The following KCND2 variants were observed in gnomAD, a reference collection of about 807,000 sequenced individuals.
KCND2 encodes potassium voltage-gated channel subfamily D member 2.
Under a neutral mutation model 54.4 loss-of-function variants are expected in KCND2, and 16 were observed. The observed-to-expected ratio is 0.29, with a 90% CI of 0.20 to 0.45. The LOEUF (loss-of-function observed/expected upper bound fraction) is 0.45, where lower values mean the gene tolerates loss of function less well. Ranked by LOEUF, KCND2 falls within the 20% of genes least tolerant of loss-of-function variation. KCND2 has a pLI of 1.00. For missense variants in KCND2, 486 were observed against 824.2 expected (o/e 0.59, Z 5.02); for synonymous variants, 317 against 310.7 (o/e 1.02, Z -0.21).
intron 1 of KCND2, among the ~76,000 whole-genome samples, chr7:120,509,909 A>T (rs1323168923): frequency 1.3e-5 from 2 of 152,068 alleles, no homozygotes; most frequent in African/African-American, 4.8e-5. Context: ...CTTCTAGCCA[A>T]ACACTTGCCA....
intron 1 of KCND2, among the ~76,000 whole-genome samples, chr7:120,517,801 C>G (rs1803217843): frequency 6.6e-6 from 1 of 152,080 alleles, no homozygotes; most frequent in South Asian, 2.1e-4. Flanking sequence ...TGATATAAAA[C>G]CTCCTAAATT....
At chr7:120,537,051 C>T in intron 1 of KCND2, among the ~76,000 whole-genome samples, 1 of 152,082 alleles carries the variant, frequency 6.6e-6, no homozygotes, top group East Asian at 1.9e-4. Flanking sequence ...TTGCCAGATT[C>T]ATCAGTGGAA....
chr7:120,425,956 T>A (rs1801700695), intron 1 of KCND2, among the ~76,000 whole-genome samples: 1 of 152,168 alleles, frequency 6.6e-6, no homozygotes, highest in African/African-American at 2.4e-5. Context: ...TATTTTTTTT[T>A]TTTAGAACTA....
chr7:120,307,355 T>C (rs1354052801), intron 1 of KCND2, among the ~76,000 whole-genome samples: 1 of 152,040 alleles, frequency 6.6e-6, no homozygotes, highest in Non-Finnish European at 1.5e-5. Context: ...TTTGATGCTG[T>C]TTTACAAGGT....
intron 1 of KCND2, among the ~76,000 whole-genome samples, chr7:120,518,373 A>G (rs371495854): frequency 2.0e-4 from 31 of 152,132 alleles, no homozygotes; most frequent in African/African-American, 7.0e-4. Flanking sequence ...CACAACTTAA[A>G]CATAAAGTTA....
intron 1 of KCND2, among the ~76,000 whole-genome samples, chr7:120,698,250 T>C (rs1196486314): frequency 6.6e-6 from 1 of 152,138 alleles, no homozygotes; most frequent in Non-Finnish European, 1.5e-5. Context: ...CAACCTTTTA[T>C]CCTTTTAATA....
chr7:120,666,039 T>A (rs1791922436), intron 1 of KCND2, among the ~76,000 whole-genome samples: 1 of 152,066 alleles, frequency 6.6e-6, no homozygotes, highest in Non-Finnish European at 1.5e-5. Context: ...ACTATTATTG[T>A]AGGTAAGTCT....
intron 1 of KCND2, among the ~76,000 whole-genome samples, chr7:120,284,684 AAGTT>A (rs1264807001): frequency 2.0e-5 from 3 of 152,282 alleles, no homozygotes; most frequent in African/African-American, 7.2e-5. Flanking sequence ...TGAAGAAACT[AAGTT>A]AGAGTGTAGT....
chr7:120,338,927 T>G (rs1462367631), intron 1 of KCND2, among the ~76,000 whole-genome samples: 4 of 152,154 alleles, frequency 2.6e-5, no homozygotes, highest in Non-Finnish European at 5.9e-5. Context: ...GTGCCCAGGC[T>G]GGAGTGCAGT....
intron 1 of KCND2, among the ~76,000 whole-genome samples, chr7:120,375,473 T>C (rs543179330): frequency 6.6e-6 from 1 of 151,836 alleles, no homozygotes; most frequent in African/African-American, 2.4e-5. Flanking sequence ...GTTCTATTTC[T>C]TGTCAGTTTA....
intron 1 of KCND2, among the ~76,000 whole-genome samples, chr7:120,540,377 A>G (rs1488016623): frequency 6.6e-6 from 1 of 152,160 alleles, no homozygotes; most frequent in South Asian, 2.1e-4. Context: ...ATAAATTTAC[A>G]ATATATTTTA....
rs546076108 is a variant in KCND2 at position 120,508,540 on chromosome 7, TAA to T, written c.1116-224361_1116-224360del. 4.2e-4 allele frequency among the ~76,000 whole-genome samples: 64 copies of T among 152,056 alleles called. 1 individual carries two copies. The South Asian group carries it at 0.012, about 28-fold the overall frequency. On this transcript the variant is annotated intron_variant, in intron 1 of 5. Coordinates refer to ENST00000331113, the MANE Select transcript of KCND2 (RefSeq NM_012281.3). ...TTATTCGCATTATGATGAAAAGAAA[TAA>T]AGTGTTTTAAATATTAAATCATATC...
At position 120,748,947 on chromosome 7, in the gene KCND2, C is replaced by G. The variant is rs574472108; in HGVS notation, c.*1089C>G. On this transcript the variant is annotated 3_prime_UTR_variant, in exon 6 of 6. Coordinates refer to ENST00000331113, the MANE Select transcript of KCND2 (RefSeq NM_012281.3). Reference sequence around the variant, plus strand: ...TCTTGTAAGTAGCTTGTCATCAATCCCCTTGTCGAAAACTAGAAAAAAAGG... The same window carrying G: ...TCTTGTAAGTAGCTTGTCATCAATCGCCTTGTCGAAAACTAGAAAAAAAGG... 1 of 151,854 alleles carries G rather than the reference C, an allele frequency of 6.6e-6. No individual in the cohort carries two copies. The highest frequency in any genetic ancestry group is 1.9e-4 in the East Asian group (1 of 5,166). The allele number at this position is 151,854 out of a possible 1,614,324, so 9.4% of individuals were successfully genotyped here.
At chr7:120,526,099 C>T (rs900254972) in intron 1 of KCND2, among the ~76,000 whole-genome samples, 4 of 152,094 alleles carry the variant, frequency 2.6e-5, no homozygotes, top group Non-Finnish European at 5.9e-5. Context: ...GACCCAATGC[C>T]CTCTCCCCAG....
chr7:120,433,983 G>A (rs1801830649), intron 1 of KCND2, among the ~76,000 whole-genome samples: 1 of 152,150 alleles, frequency 6.6e-6, no homozygotes, highest in South Asian at 2.1e-4. Flanking sequence ...CTTGCAATTA[G>A]CACAATACAT....
chr7:120,548,234 C>T (rs1225502852), intron 1 of KCND2, among the ~76,000 whole-genome samples: 1 of 152,008 alleles, frequency 6.6e-6, no homozygotes, highest in African/African-American at 2.4e-5. Context: ...TTCAAAACAG[C>T]CATGCTCTCT....
intron 1 of KCND2, among the ~76,000 whole-genome samples, chr7:120,311,933 T>A (rs1799741239): frequency 6.6e-6 from 1 of 152,184 alleles, no homozygotes; most frequent in African/African-American, 2.4e-5. Context: ...AGATGGAGTT[T>A]AGCTCTTGTT....
At chr7:120,672,518 G>T (rs1467237594) in intron 1 of KCND2, among the ~76,000 whole-genome samples, 4 of 152,068 alleles carry the variant, frequency 2.6e-5, no homozygotes, top group Non-Finnish European at 5.9e-5. Context: ...GAAGTAGATA[G>T]CTCTGTTAAG....
chr7:120,447,038 A>G (rs1802027314), intron 1 of KCND2, among the ~76,000 whole-genome samples: 1 of 152,186 alleles, frequency 6.6e-6, no homozygotes, highest in Non-Finnish European at 1.5e-5. Context: ...ATTGAAGGAG[A>G]AACTGTTTTA....
Sources: gnomAD v4.1 joint callset for allele counts (sites outside exome capture counted in the v4.1 genomes callset) on GRCh38, gnomAD v4.1.1 for gene constraint, MANE v1.5 for transcripts, NCBI Gene and HGNC (gene_info 2026-07-23, HGNC 2026-07-21) for gene names.